GRIK2: variants seen among roughly 807,000 people sequenced by gnomAD.
The protein encoded by GRIK2 is glutamate ionotropic receptor kainate type subunit 2.
GRIK2 carries 32 observed loss-of-function variants against 100.3 expected under a neutral mutation model. The observed-to-expected ratio is 0.32, with a 90% CI of 0.24 to 0.43. The LOEUF is 0.43. GRIK2 is among the 20% of genes least tolerant of loss of function. The probability of loss-of-function intolerance (pLI) is 1.00; values close to 1 mark genes in which losing one functional copy is unlikely to be tolerated. For missense variants in GRIK2, 843 were observed against 1,114.9 expected (o/e 0.76, Z 3.47); for synonymous variants, 417 against 389.4 (o/e 1.07, Z -0.83).
At chr6:101,893,263 A>C (rs1047235781) in intron 12 of GRIK2, among the ~76,000 whole-genome samples, 1 of 151,554 alleles carries the variant, frequency 6.6e-6, no homozygotes, top group Non-Finnish European at 1.5e-5. Context: ...CTCCATAACA[A>C]TTATAGATAA....
Position 102,055,374 on chromosome 6 carries a change from C to T in GRIK2, c.2356C>T (p.Gln786Ter). The change falls in exon 16 of 17, where the codon CAA (glutamine) becomes TAA (stop). Residue 786 changes from glutamine (Q) to a stop codon, truncating the protein, a stop_gained. Transcript: ENST00000369134. LOFTEE classifies it high-confidence loss of function. ...AATTACCATAGCAATTCTTCAGCTG[C>T]AAGAGGAAGGCAAACTGCATATGAT... Reference protein sequence around the residue: ...DKITIAILQLQEEGKLHMMKE... With the variant: ...DKITIAILQL 1 of 1,611,286 alleles carries T rather than the reference C, an allele frequency of 6.2e-7. No individual in the cohort carries two copies. The highest frequency in any genetic ancestry group is 8.5e-7 in the Non-Finnish European group (1 of 1,177,626).
At position 101,930,542 on chromosome 6, in the gene GRIK2, T is replaced by A. The variant is rs541254423; in HGVS notation, c.2085+1910T>A. On this transcript the variant is annotated intron_variant, in intron 14 of 16. Transcript: ENST00000369134. Reference sequence around the variant, plus strand: ...ACACAAAAATTTGACACCAGAAGTGTTTATTTCTGGTTCATAAACATTTCC... The same window carrying A: ...ACACAAAAATTTGACACCAGAAGTGATTATTTCTGGTTCATAAACATTTCC... 1.1e-3 allele frequency among the ~76,000 whole-genome samples: 170 copies of A among 152,094 alleles called. 2 individuals carry two copies. Among genetic ancestry groups the A allele is most frequent in the African/African-American group, 3.8e-3 (158 of 41,524 alleles).
intron 11 of GRIK2, among the ~76,000 whole-genome samples, chr6:101,878,533 T>C (rs1000082041): frequency 1.3e-5 from 2 of 151,982 alleles, no homozygotes; most frequent in Non-Finnish European, 2.9e-5. Flanking sequence ...CTAAACACAA[T>C]ATACCTCACA....
At chr6:101,650,867 C>A (rs1301715742) in intron 4 of GRIK2, among the ~76,000 whole-genome samples, 2 of 152,054 alleles carry the variant, frequency 1.3e-5, no homozygotes, top group Non-Finnish European at 2.9e-5. Context: ...CATTCCCCAC[C>A]CCCTAGCACC....
At chr6:101,664,106 T>C (rs1169253776) in intron 4 of GRIK2, among the ~76,000 whole-genome samples, 1 of 152,216 alleles carries the variant, frequency 6.6e-6, no homozygotes, top group Non-Finnish European at 1.5e-5. Context: ...TTCTCAGTTA[T>C]GGGAGACAAT....
chr6:101,810,255 A>C (rs1406317919), intron 9 of GRIK2, among the ~76,000 whole-genome samples: 1 of 152,112 alleles, frequency 6.6e-6, no homozygotes, highest in African/African-American at 2.4e-5. Flanking sequence ...AACATTATTT[A>C]AAAAATCAAA....
At chr6:102,005,397 A>G (rs2114282476) in intron 14 of GRIK2, among the ~76,000 whole-genome samples, 1 of 152,174 alleles carries the variant, frequency 6.6e-6, no homozygotes, top group East Asian at 1.9e-4. Context: ...TTTTATTGAT[A>G]TTATACAATT....
intron 13 of GRIK2, among the ~76,000 whole-genome samples, chr6:101,925,660 A>AC (rs1425547993): frequency 1.3e-5 from 2 of 151,698 alleles, no homozygotes; most frequent in Admixed American, 1.3e-4. Context: ...AGAAAAAAAA[A>AC]CATATTTCTT....
intron 12 of GRIK2, among the ~76,000 whole-genome samples, chr6:101,912,917 A>G (rs1251958309): frequency 2.4e-5 from 3 of 126,952 alleles, no homozygotes; most frequent in Non-Finnish European, 3.9e-5. Context: ...AAAATTCTTT[A>G]TCTTTATAGG....
At chr6:101,553,049 C>T (rs949035966) in intron 2 of GRIK2, among the ~76,000 whole-genome samples, 4 of 152,140 alleles carry the variant, frequency 2.6e-5, no homozygotes, top group Non-Finnish European at 5.9e-5. Flanking sequence ...ATTCATTTAA[C>T]AGTCAAGGCC....
At chr6:102,013,272 A>G (rs1218557284) in intron 14 of GRIK2, among the ~76,000 whole-genome samples, 1 of 152,006 alleles carries the variant, frequency 6.6e-6, no homozygotes, top group Non-Finnish European at 1.5e-5. Flanking sequence ...AGTTATTTTC[A>G]TATGTTGTTT....
At chr6:101,924,826 T>TAACCATA (rs1789783086) in intron 13 of GRIK2, 107 bp downstream of exon 13, 2 of 706,038 alleles carry the variant, frequency 2.8e-6, no homozygotes, top group Non-Finnish European at 5.2e-6. Context: ...TCTGTGCATG[T>TAACCATA]AACCATAATC....
intron 12 of GRIK2, among the ~76,000 whole-genome samples, chr6:101,899,096 G>GTTTTTT (rs1372120727): frequency 1.5e-5 from 2 of 133,068 alleles, no homozygotes; most frequent in Non-Finnish European, 3.3e-5. Context: ...TCTTTTTGTT[G>GTTTTTT]TTTTTGTTTT....
chr6:101,813,900 G>A (rs1379386331), intron 9 of GRIK2, among the ~76,000 whole-genome samples: 5 of 151,188 alleles, frequency 3.3e-5, no homozygotes, highest in African/African-American at 1.2e-4. Context: ...GGAAGTAGAG[G>A]TTGCAGTGAG....
intron 14 of GRIK2, among the ~76,000 whole-genome samples, chr6:101,998,069 G>A (rs910671516): frequency 1.3e-5 from 2 of 152,024 alleles, no homozygotes; most frequent in African/African-American, 4.8e-5. Context: ...ACTCCCAAAA[G>A]CTTCCTTGTA....
At chr6:101,727,816 A>G (rs187487800) in intron 7 of GRIK2, among the ~76,000 whole-genome samples, 3 of 152,108 alleles carry the variant, frequency 2.0e-5, no homozygotes, top group African/African-American at 7.2e-5. Context: ...GCTTAAACAC[A>G]TACAATGACA....
intron 13 of GRIK2, among the ~76,000 whole-genome samples, chr6:101,925,169 C>T (rs1262892178): frequency 6.6e-6 from 1 of 151,808 alleles, no homozygotes; most frequent in African/African-American, 2.4e-5. Flanking sequence ...AAATTTACTG[C>T]CTATAAATTT....
chr6:101,956,401 G>T (rs894933550), intron 14 of GRIK2, among the ~76,000 whole-genome samples: 3 of 152,070 alleles, frequency 2.0e-5, no homozygotes, highest in African/African-American at 7.2e-5. Context: ...TATTTTTAAA[G>T]ATTTCAGGGG....
chr6:101,882,119 G>C (rs986385996), intron 11 of GRIK2, among the ~76,000 whole-genome samples: 5 of 152,002 alleles, frequency 3.3e-5, no homozygotes, highest in African/African-American at 9.7e-5. Flanking sequence ...TATGAGAACA[G>C]TATGGGGGAA....
Sources: gnomAD v4.1 joint callset for allele counts (sites outside exome capture counted in the v4.1 genomes callset) on GRCh38, gnomAD v4.1.1 for gene constraint, MANE v1.5 for transcripts, NCBI Gene and HGNC (gene_info 2026-07-23, HGNC 2026-07-21) for gene names.